INSR: variants seen among roughly 807,000 people sequenced by gnomAD.
INSR encodes the protein IR.
In INSR, 67 loss-of-function variants were observed where a neutral mutation model predicts 142.6. That is an observed-to-expected ratio of 0.47 (90% CI 0.39 to 0.58). INSR has a LOEUF of 0.58. Ranked by LOEUF, INSR falls within the 20% of genes least tolerant of loss-of-function variation. INSR has a pLI of 0.00. For synonymous variants in INSR, 756 were observed against 743.1 expected, an observed-to-expected ratio of 1.02 and a Z score of -0.28; for missense variants, 1,248 against 1,833.2, an observed-to-expected ratio of 0.68 and a Z score of 5.83.
Position 7,122,733 on chromosome 19 carries a change from A to G in INSR, c.3410T>C (p.Ile1137Thr), listed in dbSNP as rs775854644. Residue 1137 changes from isoleucine to threonine, a missense_variant, in exon 19 of 22, where the codon ATT becomes ACT. Around this residue, in one of 3 missense-constraint regions of INSR, gnomAD observed 1,069 missense variants for 1,654.0 expected, o/e 0.65. Coordinates refer to ENST00000302850, the MANE Select transcript of INSR (RefSeq NM_000208.4). Reference sequence around the variant, plus strand: ...GTCAGCAATCTCTGCCGCCATCTGAATCATCTCTTGAAGGGTAGGGGGAGG... The same window carrying G: ...GTCAGCAATCTCTGCCGCCATCTGAGTCATCTCTTGAAGGGTAGGGGGAGG... ...GRPPPTLQEM[I>T]QMAAEIADGM... 3.1e-6 allele frequency: 5 copies of G among 1,614,124 alleles called. No homozygotes were observed. In the Middle Eastern group the frequency reaches 6.6e-4, roughly 213 times the overall value.
At chr19:7,259,499 G>A (rs1221815858) in intron 2 of INSR, among the ~76,000 whole-genome samples, 3 of 152,072 alleles carry the variant, frequency 2.0e-5, no homozygotes, top group Non-Finnish European at 4.4e-5. Context: ...ATCAGCATTT[G>A]CCACAAAGAC....
chr19:7,269,093 G>A (rs1184070677), intron 1 of INSR, among the ~76,000 whole-genome samples: 1 of 144,494 alleles, frequency 6.9e-6, no homozygotes, highest in Non-Finnish European at 1.5e-5. Flanking sequence ...ACAGTCCTCA[G>A]CACCTAGAAT....
chr19:7,230,208 T>C (rs1325792864), intron 2 of INSR, among the ~76,000 whole-genome samples: 2 of 152,000 alleles, frequency 1.3e-5, no homozygotes, highest in Non-Finnish European at 2.9e-5. Context: ...GTAGGGAAGA[T>C]GGATTTGAAG....
At chr19:7,211,012 T>C (rs1975258556) in intron 2 of INSR, among the ~76,000 whole-genome samples, 1 of 152,150 alleles carries the variant, frequency 6.6e-6, no homozygotes, top group Admixed American at 6.6e-5. Context: ...TTGATCAAAC[T>C]GTTCTTGATA....
chr19:7,273,027 G>C (rs1967967524), intron 1 of INSR, among the ~76,000 whole-genome samples: 1 of 152,170 alleles, frequency 6.6e-6, no homozygotes, highest in African/African-American at 2.4e-5. Context: ...AGAGGGTACA[G>C]GGTTTCTTTG....
chr19:7,136,050 A>T (rs1024844144), intron 13 of INSR, among the ~76,000 whole-genome samples: 14 of 151,802 alleles, frequency 9.2e-5, no homozygotes, highest in African/African-American at 2.9e-4. Flanking sequence ...CCAGCAATGT[A>T]TGAGGGTTCC....
At chr19:7,293,105 G>A (rs1968540428) in intron 1 of INSR, among the ~76,000 whole-genome samples, 1 of 152,156 alleles carries the variant, frequency 6.6e-6, no homozygotes. Context: ...AGATAAGATA[G>A]ACTAGGCTGT....
rs11883325 is a variant in INSR at position 7,117,476 on chromosome 19, C to T, written c.3795-66G>A. On this transcript the variant is annotated intron_variant, in intron 21 of 21. Coordinates refer to ENST00000302850, the MANE Select transcript of INSR (RefSeq NM_000208.4). The stretch of plus-strand genomic sequence containing the variant: ...CCTGCCACGCATCCTCCCAAACCCC[C>T]ACTCTTGTCCCTGCAGCCGACACCC... The T allele has an allele frequency of 0.23, 284,466 of 1,224,800 alleles. 36,251 individuals carry two copies. The highest frequency in any genetic ancestry group is 0.39 in the African/African-American group (26,076 of 67,122). 75.9% of individuals were successfully genotyped at this position (1,224,800 alleles called of 1,614,324 possible).
chr19:7,116,924 A>G lies in INSR; in HGVS notation c.*132T>C. On this transcript the variant is annotated 3_prime_UTR_variant, in exon 22 of 22. Transcript: ENST00000302850. ...ACGAGTCCACCTTAAGATGAACAGA[A>G]ATGTATAGGAACGATCTCTGAACTC... The G allele has an allele frequency of 2.5e-6, 2 of 785,506 alleles. No homozygotes were observed. The highest frequency in any genetic ancestry group is 2.8e-5 in the South Asian group (2 of 70,180). The allele number at this position is 785,506 out of a possible 1,614,324, so 48.7% of individuals were successfully genotyped here.
intron 9 of INSR, among the ~76,000 whole-genome samples, chr19:7,153,177 AAC>A (rs1467654489): frequency 0.19 from 195 of 1,020 alleles, 8 homozygotes; most frequent in Non-Finnish European, 0.32. Flanking sequence ...ACACACCACA[AAC>A]ACACAACCAC....
At chr19:7,256,030 G>A (rs1379879084) in intron 2 of INSR, among the ~76,000 whole-genome samples, 1 of 151,932 alleles carries the variant, frequency 6.6e-6, no homozygotes, top group Non-Finnish European at 1.5e-5. Flanking sequence ...ATACTCTCTA[G>A]GGTACTTGTT....
chr19:7,152,971 G>T, intron 9 of INSR, 44 bp from the exon 10 acceptor site: 2 of 1,362,054 alleles, frequency 1.5e-6, no homozygotes, highest in Non-Finnish European at 1.0e-6. Context: ...CTCTGCGGCT[G>T]AACACACATA....
chr19:7,132,179 A>T lies in INSR; in HGVS notation c.2821T>A (p.Tyr941Asn). 1 of 1,614,148 alleles carries T rather than the reference A, an allele frequency of 6.2e-7. No homozygotes were observed. The highest frequency in any genetic ancestry group is 8.5e-7 in the Non-Finnish European group (1 of 1,180,002). Residue 941 changes from tyrosine to asparagine, a missense_variant, in exon 14 of 22, where the codon TAT becomes AAT. Coordinates refer to ENST00000302850, the MANE Select transcript of INSR (RefSeq NM_000208.4). ...TTACAATAGTCTGTCACGTAGAAAT[A>T]GGTGGGTTCCGTCCAAGAGCCGTTG... Reference protein sequence around the residue: ...AGNGSWTEPTYFYVTDYLDVP... With the variant: ...AGNGSWTEPTNFYVTDYLDVP...
At chr19:7,204,120 G>A (rs1975038924) in intron 2 of INSR, among the ~76,000 whole-genome samples, 1 of 152,154 alleles carries the variant, frequency 6.6e-6, no homozygotes, top group Non-Finnish European at 1.5e-5. Context: ...CCGGCTCACT[G>A]CAATCTCTGC....
intron 13 of INSR, among the ~76,000 whole-genome samples, chr19:7,136,828 C>CATAT (rs57665258): frequency 0.035 from 4,957 of 139,752 alleles, 446 homozygotes; most frequent in African/African-American, 0.1. Context: ...TATTTATTTA[C>CATAT]ATATATATAT....
At chr19:7,142,389 CAAAAAAAAAAA>C (rs34453877) in intron 12 of INSR, among the ~76,000 whole-genome samples, 1 of 42,148 alleles carries the variant, frequency 2.4e-5, no homozygotes, top group Non-Finnish European at 4.1e-5. Context: ...GACTTCATCT[CAAAAAAAAAAA>C]AAAAAAAAAA....
chr19:7,120,016 C>G (rs1039599825), intron 20 of INSR, among the ~76,000 whole-genome samples: 2 of 152,176 alleles, frequency 1.3e-5, no homozygotes, highest in African/African-American at 4.8e-5. Context: ...ATTTGGGGCT[C>G]CCAAATCACT....
intron 2 of INSR, among the ~76,000 whole-genome samples, chr19:7,261,077 G>A (rs145801694): frequency 7.2e-5 from 11 of 151,772 alleles, no homozygotes; most frequent in African/African-American, 2.2e-4. Context: ...TTGTCGAGAC[G>A]GGGTTTCTCC....
intron 8 of INSR, among the ~76,000 whole-genome samples, chr19:7,164,869 T>C (rs1206696797): frequency 2.1e-5 from 3 of 145,334 alleles, no homozygotes; most frequent in Admixed American, 1.4e-4. Context: ...TGGTGGCTTA[T>C]GCCTGTAATC....
Sources: gnomAD v4.1 joint callset for allele counts (sites outside exome capture counted in the v4.1 genomes callset) on GRCh38, gnomAD v4.1.1 for gene constraint, gnomAD v4.1.1 regional missense constraint, MANE v1.5 for transcripts, NCBI Gene and HGNC (gene_info 2026-07-23, HGNC 2026-07-21) for gene names.